The following MCCC1 variants were observed in gnomAD, a reference collection of about 807,000 sequenced individuals.
The protein encoded by MCCC1 is methylcrotonoyl-CoA carboxylase subunit alpha, mitochondrial.
Under a neutral mutation model 83.8 loss-of-function variants are expected in MCCC1, and 64 were observed. That is an observed-to-expected ratio of 0.76 (90% CI 0.62 to 0.94). MCCC1 has a LOEUF of 0.94. Ranked by LOEUF, MCCC1 falls within the 40% of genes least tolerant of loss-of-function variation. The probability of loss-of-function intolerance (pLI) is 0.00; values close to 1 mark genes in which losing one functional copy is unlikely to be tolerated. For synonymous variants in MCCC1, 322 were observed against 315.4 expected (o/e 1.02, Z -0.22); for missense variants, 807 against 904.7 (o/e 0.89, Z 1.39).
chr3:183,086,322 GT>G (rs1717887802), intron 4 of MCCC1, among the ~76,000 whole-genome samples: 1 of 152,188 alleles, frequency 6.6e-6, no homozygotes, highest in African/African-American at 2.4e-5. Flanking sequence ...AGACTGGGAA[GT>G]TGGGGTGGAA....
intron 16 of MCCC1, among the ~76,000 whole-genome samples, chr3:183,021,968 T>C (rs1393424592): frequency 6.6e-6 from 1 of 152,006 alleles, no homozygotes; most frequent in Non-Finnish European, 1.5e-5. Flanking sequence ...GCCATCCACC[T>C]TCCTACTGTC....
chr3:183,086,611 A>G, intron 4 of MCCC1, 82 bp downstream of exon 4: 5 of 1,277,964 alleles, frequency 3.9e-6, no homozygotes, highest in Non-Finnish European at 5.6e-6. Context: ...AAGGCTAAAA[A>G]TAGAAAATTT....
At chr3:183,051,315 T>C (rs912060413) in intron 9 of MCCC1, among the ~76,000 whole-genome samples, 6 of 152,014 alleles carry the variant, frequency 3.9e-5, no homozygotes, top group Non-Finnish European at 8.8e-5. Context: ...CTCTGAGACA[T>C]CGAGACAACG....
At chr3:183,080,804 G>A (rs1717432672) in intron 4 of MCCC1, among the ~76,000 whole-genome samples, 1 of 152,308 alleles carries the variant, frequency 6.6e-6, no homozygotes, top group East Asian at 1.9e-4. Flanking sequence ...GGAAAGGCAA[G>A]GAGGAGCAAG....
intron 3 of MCCC1, chr3:183,090,951 T>C: frequency 2.2e-6 from 1 of 456,022 alleles, no homozygotes; most frequent in Non-Finnish European, 4.4e-6. Context: ...ATGGGAAAGA[T>C]GGATGCAGAC....
intron 10 of MCCC1, 84 bp from the exon 11 acceptor site, chr3:183,041,834 A>C: frequency 2.0e-6 from 3 of 1,480,388 alleles, no homozygotes; most frequent in Non-Finnish European, 1.9e-6. Flanking sequence ...CTTTTTTTCT[A>C]GGTAAAATGT....
intron 3 of MCCC1, among the ~76,000 whole-genome samples, chr3:183,089,022 G>T (rs535530449): frequency 6.6e-6 from 1 of 152,270 alleles, no homozygotes; most frequent in Middle Eastern, 3.4e-3. Context: ...GAAACCTACA[G>T]GAATGTTTGT....
intron 9 of MCCC1, among the ~76,000 whole-genome samples, chr3:183,047,516 T>C (rs2108489711): frequency 6.6e-6 from 1 of 152,248 alleles, no homozygotes; most frequent in East Asian, 1.9e-4. Context: ...GGCAGGAATG[T>C]TAGAATTATC....
chr3:183,062,708 A>T (rs1391746333), intron 7 of MCCC1, among the ~76,000 whole-genome samples: 2 of 152,244 alleles, frequency 1.3e-5, no homozygotes, highest in East Asian at 3.9e-4. Flanking sequence ...CTTATAAGGG[A>T]AGTTCAGTGA....
At chr3:183,113,315 A>T (rs1422033932) in intron 1 of MCCC1, among the ~76,000 whole-genome samples, 1 of 150,526 alleles carries the variant, frequency 6.6e-6, no homozygotes, top group East Asian at 2.0e-4. Context: ...AACTATCGCA[A>T]GGACAGAAAA....
rs547539899 is a variant in MCCC1 at position 183,114,762 on chromosome 3, G to A, written c.-102+712C>T. Reference sequence around the variant, plus strand: ...GGTTCTGGAAACGGAGCAAGGAATCGTGGTGTTTTATTGGAGTGACCACCC... The same window carrying A: ...GGTTCTGGAAACGGAGCAAGGAATCATGGTGTTTTATTGGAGTGACCACCC... On this transcript the variant is annotated intron_variant, in intron 1 of 17. Coordinates refer to the MCCC1 transcript ENST00000492597. Among the ~76,000 whole-genome samples, 5 of 152,240 alleles carry A rather than the reference G, an allele frequency of 3.3e-5. No homozygotes were observed. The South Asian group carries it at 8.3e-4, about 25-fold the overall frequency.
intron 17 of MCCC1, 30 bp from the exon 18 acceptor site, chr3:183,017,367 T>A (rs367646626): frequency 2.7e-5 from 44 of 1,608,422 alleles, no homozygotes; most frequent in Non-Finnish European, 3.6e-5. Context: ...GGTTAATATT[T>A]GAAAACACAG....
At chr3:183,053,208 C>A (rs1174073757) in intron 8 of MCCC1, among the ~76,000 whole-genome samples, 1 of 152,112 alleles carries the variant, frequency 6.6e-6, no homozygotes, top group Non-Finnish European at 1.5e-5. Flanking sequence ...TGGTGGCTCA[C>A]CCCTGTAATC....
chr3:183,052,343 T>C (rs1359149562), intron 8 of MCCC1, 103 bp from the exon 9 acceptor site: 1 of 962,090 alleles, frequency 1.0e-6, no homozygotes, highest in Non-Finnish European at 1.6e-6. Context: ...CGTTTCTTAG[T>C]CAACAACAGA....
At chr3:183,048,911 T>C (rs1023892078) in intron 9 of MCCC1, among the ~76,000 whole-genome samples, 11 of 152,154 alleles carry the variant, frequency 7.2e-5, no homozygotes, top group Non-Finnish European at 1.6e-4. Flanking sequence ...TCTCAGAACA[T>C]AACAGAATTA....
At chr3:183,101,027 G>A (rs1719229705), upstream of MCCC1, among the ~76,000 whole-genome samples, 3 of 152,280 alleles carry the variant, frequency 2.0e-5, no homozygotes, top group South Asian at 6.2e-4. Flanking sequence ...GGCAATGGGG[G>A]ACTTAGCACC....
chr3:183,031,403 C>T (rs1039256624), intron 14 of MCCC1, among the ~76,000 whole-genome samples: 3 of 151,034 alleles, frequency 2.0e-5, no homozygotes, highest in Admixed American at 6.6e-5. Flanking sequence ...GAATAGCTTG[C>T]AAGCCTTGAA....
At chr3:183,045,580 A>C (rs745409189) in intron 9 of MCCC1, 40 bp from the exon 10 acceptor site, 19 of 1,610,142 alleles carry the variant, frequency 1.2e-5, no homozygotes, top group Middle Eastern at 1.6e-4. Flanking sequence ...AATAGTGTAT[A>C]ATCAGTAGCA....
At chr3:183,101,311 GC>G (rs1413540348), upstream of MCCC1, among the ~76,000 whole-genome samples, 1 of 152,266 alleles carries the variant, frequency 6.6e-6, no homozygotes, top group African/African-American at 2.4e-5. Context: ...CTGGCAGGCA[GC>G]TCCACCTGCA....
Sources: allele counts gnomAD v4.1 joint callset (sites outside exome capture counted in the v4.1 genomes callset), GRCh38; gene constraint gnomAD v4.1.1; transcripts MANE v1.5; gene names NCBI Gene and HGNC (gene_info 2026-07-23, HGNC 2026-07-21).